Variants in IGSF21 observed in about 807,000 individuals in gnomAD.
IGSF21 encodes immunoglobin superfamily member 21.
IGSF21 carries 28 observed loss-of-function variants against 46.8 expected under a neutral mutation model. The observed-to-expected ratio is 0.60, with a 90% confidence interval of 0.44 to 0.82. The LOEUF is 0.82. Ranked by LOEUF, IGSF21 falls within the 40% of genes least tolerant of loss-of-function variation. IGSF21 has a pLI of 0.00. For missense variants in IGSF21, 624 were observed against 665.5 expected (o/e 0.94, Z 0.69); for synonymous variants, 284 against 273.6 (o/e 1.04, Z -0.38).
chr1:18,184,037 G>A (rs141043193), intron 1 of IGSF21, among the ~76,000 whole-genome samples: 1 of 152,276 alleles, frequency 6.6e-6, no homozygotes, highest in African/African-American at 2.4e-5. Context: ...ACACAGGATA[G>A]TGTCAAGAGA....
intron 1 of IGSF21, among the ~76,000 whole-genome samples, chr1:18,192,750 C>T (rs2086970397): frequency 6.6e-6 from 1 of 152,142 alleles, no homozygotes; most frequent in Admixed American, 6.5e-5. Context: ...TGCTTCCATA[C>T]TCTGAGTTTA....
chr1:18,175,343 G>A (rs1021337211), intron 1 of IGSF21, among the ~76,000 whole-genome samples: 3 of 152,222 alleles, frequency 2.0e-5, no homozygotes, highest in African/African-American at 7.2e-5. Context: ...GGTTGAAGGA[G>A]GTGATTTTAG....
chr1:18,320,133 G>T (rs1392263179), intron 3 of IGSF21, among the ~76,000 whole-genome samples: 1 of 152,158 alleles, frequency 6.6e-6, no homozygotes, highest in Non-Finnish European at 1.5e-5. Flanking sequence ...TCTCCCCATG[G>T]CACTGAGCCC....
rs2086238975 is a variant in IGSF21 at position 18,372,698 on chromosome 1, A to G, written c.1016-3612A>G. Reference sequence around the variant, plus strand: ...GAGGGATGGATGGATGAGTGTTTAGATGGGTGGATGGAGGGATGGATGGAT... The same window carrying G: ...GAGGGATGGATGGATGAGTGTTTAGGTGGGTGGATGGAGGGATGGATGGAT... On this transcript the variant is annotated intron_variant, in intron 6 of 9. Transcript: ENST00000251296. 2.7e-5 allele frequency among the ~76,000 whole-genome samples: 4 copies of G among 149,790 alleles called. No homozygotes were observed. The South Asian group carries it at 8.5e-4, about 32-fold the overall frequency.
chr1:18,334,766 C>G lies in IGSF21; in HGVS notation c.306-126C>G. ...TCCATAAATGCTCCCCTCCTCCCAG[C>G]CCAGCACACAGGCCTGTGTTTGTTA... On this transcript the variant is annotated intron_variant, in intron 3 of 9. Transcript: ENST00000251296. This position sits in a 1 kb window ranked among gnomAD's most constrained non-coding sequence, Gnocchi z 4.3. The G allele has an allele frequency of 1.4e-6, 1 of 721,960 alleles. No homozygotes were observed. Among genetic ancestry groups the G allele is most frequent in the South Asian group, 1.6e-5 (1 of 64,104 alleles). The allele number at this position is 721,960 out of a possible 1,614,324, so 44.7% of individuals were successfully genotyped here.
At chr1:18,242,048 T>C (rs2084734775) in intron 2 of IGSF21, among the ~76,000 whole-genome samples, 1 of 152,160 alleles carries the variant, frequency 6.6e-6, no homozygotes, top group Non-Finnish European at 1.5e-5. Context: ...TGCTTCAGGC[T>C]GTCCTCATCA....
chr1:18,283,612 C>T (rs61760777), intron 2 of IGSF21, among the ~76,000 whole-genome samples: 6,267 of 152,202 alleles, frequency 0.041, 191 homozygotes, highest in Non-Finnish European at 0.064. Context: ...GGCGGCCAGG[C>T]GGCTGAATCA....
intron 1 of IGSF21, among the ~76,000 whole-genome samples, chr1:18,156,495 C>T (rs2086570634): frequency 6.6e-6 from 1 of 152,222 alleles, no homozygotes; most frequent in Non-Finnish European, 1.5e-5. Context: ...AGTGCTGTTT[C>T]TTCCAGAAAG....
intron 6 of IGSF21, among the ~76,000 whole-genome samples, chr1:18,369,643 G>A (rs1315900327): frequency 1.3e-5 from 2 of 152,212 alleles, no homozygotes; most frequent in Non-Finnish European, 2.9e-5. Context: ...GTGAGACAGT[G>A]GGACGGATTA....
At chr1:18,329,273 G>A (rs2085687687) in intron 3 of IGSF21, among the ~76,000 whole-genome samples, 1 of 152,174 alleles carries the variant, frequency 6.6e-6, no homozygotes, top group South Asian at 2.1e-4. Flanking sequence ...GCCTCCTACT[G>A]TAAATCTTTA....
At chr1:18,286,699 C>A (rs2085215180) in intron 2 of IGSF21, among the ~76,000 whole-genome samples, 1 of 152,210 alleles carries the variant, frequency 6.6e-6, no homozygotes, top group South Asian at 2.1e-4. Context: ...GCACAGCAGG[C>A]TGTCCTGGGG....
At chr1:18,355,826 ACT>A (rs2086010483) in intron 4 of IGSF21, among the ~76,000 whole-genome samples, 1 of 118,338 alleles carries the variant, frequency 8.5e-6, no homozygotes, top group Non-Finnish European at 1.6e-5. Context: ...CCATGTCTAG[ACT>A]CTTTTTTTTT....
At chr1:18,268,821 G>A (rs893106083) in intron 2 of IGSF21, among the ~76,000 whole-genome samples, 2 of 152,146 alleles carry the variant, frequency 1.3e-5, no homozygotes, top group African/African-American at 4.8e-5. Flanking sequence ...TTATCCGGAT[G>A]GAAGGCAGTC....
chr1:18,297,397 T>C (rs2085321660), intron 3 of IGSF21, among the ~76,000 whole-genome samples: 1 of 151,880 alleles, frequency 6.6e-6, no homozygotes, highest in South Asian at 2.1e-4. Flanking sequence ...AGGAATTGAG[T>C]AGTTACCATA....
chr1:18,191,015 C>A (rs2086951209), intron 1 of IGSF21, among the ~76,000 whole-genome samples: 1 of 152,138 alleles, frequency 6.6e-6, no homozygotes, highest in Non-Finnish European at 1.5e-5. Context: ...CCCACTCTTC[C>A]TTCTTCTCTT....
intron 2 of IGSF21, among the ~76,000 whole-genome samples, chr1:18,285,325 C>T (rs2085202406): frequency 6.6e-6 from 1 of 152,048 alleles, no homozygotes. Flanking sequence ...TGGACTAAGT[C>T]CACCGGCCAC....
At chr1:18,181,420 G>A (rs1243246843) in intron 1 of IGSF21, among the ~76,000 whole-genome samples, 1 of 152,174 alleles carries the variant, frequency 6.6e-6, no homozygotes, top group African/African-American at 2.4e-5. Context: ...AGCTTGAGCA[G>A]CCCAAACGCT....
intron 2 of IGSF21, among the ~76,000 whole-genome samples, chr1:18,283,437 A>AC (rs2085182108): frequency 6.6e-6 from 1 of 151,746 alleles, no homozygotes. Context: ...AGCCTGCCCT[A>AC]CCCTCTCTGA....
Position 18,273,658 on chromosome 1 carries a change from T to C in IGSF21, c.184-18208T>C, listed in dbSNP as rs537834474. Among the ~76,000 whole-genome samples the C allele has an allele frequency of 5.3e-5, 8 of 150,372 alleles. No homozygotes were observed. The South Asian group carries it at 1.7e-3, about 32-fold the overall frequency. On this transcript the variant is annotated intron_variant, in intron 2 of 9. Transcript: ENST00000251296. ...TTGTTGCTGTAATAACACCAAGGGT[T>C]TGTTCAAAGCCAGGTAAAGATTTTT...
Sources: allele counts gnomAD v4.1 joint callset (sites outside exome capture counted in the v4.1 genomes callset), GRCh38; gene constraint gnomAD v4.1.1; non-coding constraint Gnocchi (gnomAD v3.1); transcripts MANE v1.5; gene names NCBI Gene and HGNC (gene_info 2026-07-23, HGNC 2026-07-21).